Variants in NRXN3 observed in about 807,000 individuals in gnomAD.
NRXN3 encodes neurexin III.
A neutral mutation model predicts 137.6 loss-of-function variants in NRXN3; 32 were observed. That is an observed-to-expected ratio of 0.23 (90% CI 0.18 to 0.31). NRXN3 has a LOEUF of 0.31. Among genes scored for constraint, NRXN3 ranks in the 10% least tolerant of loss-of-function variants. NRXN3 has a pLI of 1.00. For synonymous variants in NRXN3, 798 were observed against 784.5 expected (o/e 1.02, Z -0.29); for missense variants, 1,574 against 2,062.5 (o/e 0.76, Z 4.59).
chr14:79,690,053 A>AAGTAATAGAATACATTCAAGGCAGATCT (rs2098710493), intron 17 of NRXN3, among the ~76,000 whole-genome samples: 1 of 152,156 alleles, frequency 6.6e-6, no homozygotes, highest in South Asian at 2.1e-4. Flanking sequence ...AGAAAACCCA[A>AAGTAATAGAATACATTCAAGGCAGATCT]AGTAATAGAA....
intron 15 of NRXN3, among the ~76,000 whole-genome samples, chr14:79,204,981 T>C (rs1463480494): frequency 6.6e-6 from 1 of 152,204 alleles, no homozygotes; most frequent in African/African-American, 2.4e-5. Context: ...TAAAGAGCAT[T>C]ACCAACTGAG....
At chr14:79,659,806 G>A (rs540296070) in intron 16 of NRXN3, among the ~76,000 whole-genome samples, 1 of 152,284 alleles carries the variant, frequency 6.6e-6, no homozygotes, top group South Asian at 2.1e-4. Context: ...AGCCATCGCT[G>A]TTATTTGAAC....
At chr14:79,253,496 T>C (rs2076202433) in intron 15 of NRXN3, among the ~76,000 whole-genome samples, 1 of 152,204 alleles carries the variant, frequency 6.6e-6, no homozygotes, top group African/African-American at 2.4e-5. Flanking sequence ...ATTAGACTTC[T>C]TGCTAACCAA....
intron 4 of NRXN3, chr14:78,403,732 A>G (rs552288483): frequency 2.0e-6 from 2 of 985,366 alleles, no homozygotes; most frequent in East Asian, 2.3e-4. Flanking sequence ...GAGATTATCA[A>G]TTGCTCCGGG....
chr14:79,039,447 G>C (rs192849841), intron 15 of NRXN3, among the ~76,000 whole-genome samples: 108 of 152,088 alleles, frequency 7.1e-4, no homozygotes, highest in Non-Finnish European at 1.3e-3. Context: ...AGAATATTGA[G>C]AATAAGAGAG....
intron 15 of NRXN3, among the ~76,000 whole-genome samples, chr14:79,439,383 A>G (rs4903860): frequency 0.29 from 43,673 of 152,130 alleles, 6,727 homozygotes; most frequent in South Asian, 0.42. Context: ...TTGGGAATTA[A>G]AAGTGGAAAA....
intron 19 of NRXN3, among the ~76,000 whole-genome samples, chr14:79,706,664 G>T (rs940115486): frequency 6.6e-6 from 1 of 151,964 alleles, no homozygotes; most frequent in African/African-American, 2.4e-5. Context: ...AGATATGCTG[G>T]CTCCTAGTGA....
At chr14:78,508,864 A>C (rs976289318) in intron 4 of NRXN3, among the ~76,000 whole-genome samples, 1 of 152,238 alleles carries the variant, frequency 6.6e-6, no homozygotes. Context: ...CAATAAAAAA[A>C]TAGATTTTAA....
intron 16 of NRXN3, among the ~76,000 whole-genome samples, chr14:79,535,059 A>T (rs1249030227): frequency 6.6e-6 from 1 of 152,188 alleles, no homozygotes; most frequent in African/African-American, 2.4e-5. Flanking sequence ...GCTATTTTTG[A>T]GGTCTCTTTT....
At chr14:78,821,132 A>G (rs929810999) in intron 10 of NRXN3, among the ~76,000 whole-genome samples, 2 of 152,090 alleles carry the variant, frequency 1.3e-5, no homozygotes, top group African/African-American at 4.8e-5. Flanking sequence ...ATTAATGGGG[A>G]AAAAAGAGGG....
intron 16 of NRXN3, among the ~76,000 whole-genome samples, chr14:79,655,545 G>A (rs1043479015): frequency 1.3e-5 from 2 of 152,180 alleles, no homozygotes; most frequent in East Asian, 1.9e-4. Flanking sequence ...GAATACATTA[G>A]ACTATGCATG....
At chr14:78,446,365 T>C (rs2094419756) in intron 4 of NRXN3, among the ~76,000 whole-genome samples, 1 of 151,424 alleles carries the variant, frequency 6.6e-6, no homozygotes, top group African/African-American at 2.4e-5. Flanking sequence ...CTTATGAAAC[T>C]GTCCACTGGA....
At chr14:78,652,389 G>T (rs991670875) in intron 6 of NRXN3, among the ~76,000 whole-genome samples, 8 of 152,188 alleles carry the variant, frequency 5.3e-5, no homozygotes, top group African/African-American at 1.9e-4. Context: ...CAACCTCTAA[G>T]GTCAATTGTT....
intron 4 of NRXN3, among the ~76,000 whole-genome samples, chr14:78,366,203 T>A (rs1256162232): frequency 6.6e-6 from 1 of 152,210 alleles, no homozygotes; most frequent in Admixed American, 6.5e-5. Context: ...AAAAGCTAGC[T>A]ATTATAATAC....
intron 10 of NRXN3, among the ~76,000 whole-genome samples, chr14:78,841,600 T>C (rs1254888849): frequency 6.6e-6 from 1 of 152,268 alleles, no homozygotes; most frequent in East Asian, 1.9e-4. Flanking sequence ...TTGGTTTCTC[T>C]CACTTATGAA....
intron 8 of NRXN3, among the ~76,000 whole-genome samples, chr14:78,727,705 A>C (rs2098492594): frequency 6.6e-6 from 1 of 152,176 alleles, no homozygotes; most frequent in African/African-American, 2.4e-5. Flanking sequence ...ATTGTACTGC[A>C]GCCTGGGCAA....
chr14:79,714,070 A>C (rs1482003841), intron 19 of NRXN3, among the ~76,000 whole-genome samples: 3 of 152,176 alleles, frequency 2.0e-5, no homozygotes, highest in African/African-American at 7.2e-5. Flanking sequence ...TAGTTGGTAG[A>C]AGCTGTAGAA....
chr14:79,133,353 T>A (rs2057810235), intron 15 of NRXN3, among the ~76,000 whole-genome samples: 2 of 152,044 alleles, frequency 1.3e-5, no homozygotes, highest in Non-Finnish European at 2.9e-5. Flanking sequence ...ATGTTAGGTT[T>A]TTAAGGCCAG....
intron 10 of NRXN3, among the ~76,000 whole-genome samples, chr14:78,907,562 C>A (rs145625762): frequency 1.3e-5 from 2 of 152,054 alleles, no homozygotes; most frequent in Non-Finnish European, 1.5e-5. Flanking sequence ...AGACTGCTTT[C>A]CAGTTAGTAT....
Sources: allele counts gnomAD v4.1 joint callset (sites outside exome capture counted in the v4.1 genomes callset), GRCh38; gene constraint gnomAD v4.1.1; transcripts MANE v1.5; gene names NCBI Gene and HGNC (gene_info 2026-07-23, HGNC 2026-07-21).